LHPP: variants seen among roughly 807,000 people sequenced by gnomAD.
LHPP encodes phospholysine phosphohistidine inorganic pyrophosphate phosphatase.
Under a neutral mutation model 30.3 loss-of-function variants are expected in LHPP, and 24 were observed. The observed-to-expected ratio is 0.79, with a 90% CI of 0.57 to 1.11. The LOEUF is 1.11. Ranked by LOEUF, LHPP falls within the 50% of genes most tolerant of loss-of-function variation. LHPP has a pLI of 0.00. For synonymous variants in LHPP, 150 were observed against 157.1 expected (o/e 0.95, Z 0.34); for missense variants, 356 against 367.2 (o/e 0.97, Z 0.25).
At chr10:124,549,662 A>G (rs1008612435) in intron 6 of LHPP, among the ~76,000 whole-genome samples, 1 of 152,126 alleles carries the variant, frequency 6.6e-6, no homozygotes, top group African/African-American at 2.4e-5. Flanking sequence ...ATGGTGGTCC[A>G]TTGGTGGTGA....
At chr10:124,534,152 C>G (rs1454985131) in intron 6 of LHPP, among the ~76,000 whole-genome samples, 1 of 152,190 alleles carries the variant, frequency 6.6e-6, no homozygotes, top group African/African-American at 2.4e-5. Context: ...GTGAGTGTGA[C>G]GCAGGAGAGT....
At chr10:124,567,764 C>T (rs899591064) in intron 6 of LHPP, among the ~76,000 whole-genome samples, 15 of 152,318 alleles carry the variant, frequency 9.8e-5, no homozygotes, top group Admixed American at 9.1e-4. Context: ...CACATGTGCA[C>T]GCGCATGCAA....
At chr10:124,598,821 ATCCATCCATCTCTG>A (rs1487417487) in intron 6 of LHPP, among the ~76,000 whole-genome samples, 10 of 148,824 alleles carry the variant, frequency 6.7e-5, no homozygotes, top group African/African-American at 2.5e-4. Context: ...GTCCATCCCC[ATCCATCCATCTCTG>A]TCCATCCATC....
chr10:124,520,608 A>G (rs946120636), intron 6 of LHPP, among the ~76,000 whole-genome samples: 33 of 152,260 alleles, frequency 2.2e-4, no homozygotes, highest in Non-Finnish European at 1.5e-5. Flanking sequence ...CTTTGTTAAC[A>G]TGCAGGACAA....
chr10:124,537,817 G>C (rs1053009455), intron 6 of LHPP, among the ~76,000 whole-genome samples: 49 of 152,212 alleles, frequency 3.2e-4, no homozygotes, highest in African/African-American at 1.1e-3. Context: ...TAGGCTGCAT[G>C]GACACAAGCT....
chr10:124,533,070 C>G (rs1954937382), intron 6 of LHPP, among the ~76,000 whole-genome samples: 1 of 152,164 alleles, frequency 6.6e-6, no homozygotes, highest in South Asian at 2.1e-4. Context: ...TACAGGAGCT[C>G]CATTAATACA....
At chr10:124,530,768 G>T (rs575435024) in intron 6 of LHPP, among the ~76,000 whole-genome samples, 152 of 152,256 alleles carry the variant, frequency 1.0e-3, no homozygotes, top group African/African-American at 3.5e-3. Flanking sequence ...CCTCTCCTCT[G>T]CCACCCTTCA....
intron 5 of LHPP, among the ~76,000 whole-genome samples, chr10:124,505,646 G>T (rs1273876923): frequency 2.0e-5 from 3 of 152,186 alleles, no homozygotes; most frequent in African/African-American, 7.2e-5. Context: ...ATACCTTAAA[G>T]GTTACTTCTA....
At chr10:124,610,071 C>T (rs1192238180) in intron 6 of LHPP, among the ~76,000 whole-genome samples, 2 of 152,222 alleles carry the variant, frequency 1.3e-5, no homozygotes, top group Non-Finnish European at 2.9e-5. Flanking sequence ...TCCAATGTGG[C>T]CCGTACCATA....
chr10:124,524,712 G>GCTATAA (rs1954690700), intron 6 of LHPP, among the ~76,000 whole-genome samples: 2 of 152,100 alleles, frequency 1.3e-5, no homozygotes, highest in Non-Finnish European at 2.9e-5. Context: ...CCCACCTGTG[G>GCTATAA]TCCCAGCTAC....
In LHPP at chr10:124,524,721, A is replaced by T. The variant is rs975443304; in HGVS notation, c.716+7450A>T. ...GTGACACCCACCTGTGGTCCCAGCT[A>T]CTCGGGAGGCTGAGGCAGGAGGATC... is the stretch of plus-strand genomic sequence containing the variant. On this transcript the variant is annotated intron_variant, in intron 6 of 6. Coordinates refer to ENST00000368842, the MANE Select transcript of LHPP (RefSeq NM_022126.4). Among the ~76,000 whole-genome samples, 4 of 152,038 alleles carry T rather than the reference A, an allele frequency of 2.6e-5. No individual in the cohort carries two copies. The South Asian group carries it at 8.3e-4, about 32-fold the overall frequency.
chr10:124,543,273 G>C (rs1005929497), intron 6 of LHPP, among the ~76,000 whole-genome samples: 1 of 152,254 alleles, frequency 6.6e-6, no homozygotes, highest in East Asian at 1.9e-4. Flanking sequence ...CAGAGGGACA[G>C]GAGTTTGTGG....
At chr10:124,586,100 A>C (rs1257955058) in intron 6 of LHPP, among the ~76,000 whole-genome samples, 1 of 152,188 alleles carries the variant, frequency 6.6e-6, no homozygotes, top group East Asian at 1.9e-4. Context: ...TATGTTTCTA[A>C]AACAACATTG....
intron 6 of LHPP, chr10:124,612,892 T>G (rs1589722664): frequency 4.0e-6 from 1 of 252,336 alleles, no homozygotes; most frequent in Non-Finnish European, 7.8e-6. Flanking sequence ...AGGCCAGGGG[T>G]GTGGGGTGAG....
At chr10:124,571,191 T>C (rs1478573685) in intron 6 of LHPP, among the ~76,000 whole-genome samples, 3 of 152,252 alleles carry the variant, frequency 2.0e-5, no homozygotes, top group Admixed American at 6.5e-5. Context: ...CCAGTCTCTC[T>C]GGTATGTCTT....
chr10:124,603,389 A>G (rs1949052311), intron 6 of LHPP, among the ~76,000 whole-genome samples: 1 of 152,062 alleles, frequency 6.6e-6, no homozygotes, highest in Non-Finnish European at 1.5e-5. Flanking sequence ...AGCACCTGAC[A>G]GGGCCACTGC....
At chr10:124,568,599 A>G (rs1720266673) in intron 6 of LHPP, among the ~76,000 whole-genome samples, 1 of 152,074 alleles carries the variant, frequency 6.6e-6, no homozygotes. Flanking sequence ...CCGAATACCG[A>G]TGGAGGCTTA....
chr10:124,597,363 C>T (rs937604935), intron 6 of LHPP, among the ~76,000 whole-genome samples: 14 of 152,232 alleles, frequency 9.2e-5, no homozygotes, highest in African/African-American at 3.4e-4. Flanking sequence ...GGCCCCTCAC[C>T]TGGCCTTCAG....
chr10:124,481,218 A>AGAT (rs200530559), intron 1 of LHPP, among the ~76,000 whole-genome samples: 4 of 96,012 alleles, frequency 4.2e-5, no homozygotes, highest in Non-Finnish European at 1.2e-4. Flanking sequence ...AAAAACTGAC[A>AGAT]GAGACAGGGC....
Sources: gnomAD v4.1 joint callset for allele counts (sites outside exome capture counted in the v4.1 genomes callset) on GRCh38, gnomAD v4.1.1 for gene constraint, MANE v1.5 for transcripts, NCBI Gene and HGNC (gene_info 2026-07-23, HGNC 2026-07-21) for gene names.